Variants in ESCO2 observed in about 807,000 individuals in gnomAD.
ESCO2 encodes the protein establishment of sister chromatid cohesion N-acetyltransferase 2.
Under a neutral mutation model 61.7 loss-of-function variants are expected in ESCO2, and 51 were observed. The observed-to-expected ratio is 0.83, with a 90% CI of 0.66 to 1.04. ESCO2 has a LOEUF of 1.04. Among genes scored for constraint, ESCO2 ranks in the 50% least tolerant of loss-of-function variants. The pLI, the probability that ESCO2 is intolerant of heterozygous loss-of-function variation, is 0.00. For missense variants in ESCO2, 692 were observed against 686.2 expected, an observed-to-expected ratio of 1.01 and a Z score of -0.09; for synonymous variants, 230 against 238.2, an observed-to-expected ratio of 0.97 and a Z score of 0.32.
At chr8:27,788,750 A>C in intron 6 of ESCO2, 97 bp from the exon 7 acceptor site, 1 of 1,517,818 alleles carries the variant, frequency 6.6e-7, no homozygotes, top group Non-Finnish European at 9.1e-7. Flanking sequence ...AGGAAAAAAA[A>C]AATTAGGTGA....
chr8:27,797,770 C>T (rs1226403777), intron 9 of ESCO2, among the ~76,000 whole-genome samples: 7 of 152,164 alleles, frequency 4.6e-5, no homozygotes, highest in Non-Finnish European at 7.3e-5. Context: ...AATATAACAG[C>T]CTATTTTAAG....
At chr8:27,775,690 C>A in intron 2 of ESCO2, 123 bp downstream of exon 2, 1 of 824,496 alleles carries the variant, frequency 1.2e-6, no homozygotes, top group Non-Finnish European at 2.1e-6. Context: ...ACAGTGATAA[C>A]CTGATAACCT....
chr8:27,811,415 A>G, downstream of ESCO2: 1 of 529,220 alleles, frequency 1.9e-6, no homozygotes, highest in Non-Finnish European at 3.4e-6. Flanking sequence ...CAGACTCTGG[A>G]GCCAGACTGC....
At chr8:27,786,968 A>G (rs898900125) in intron 5 of ESCO2, among the ~76,000 whole-genome samples, 1 of 151,964 alleles carries the variant, frequency 6.6e-6, no homozygotes, top group African/African-American at 2.4e-5. Context: ...TTACAAACTC[A>G]GTACCTACAG....
intron 2 of ESCO2, 135 bp from the exon 3 acceptor site, chr8:27,776,227 T>G (rs775556129): frequency 2.7e-5 from 18 of 672,758 alleles, no homozygotes; most frequent in Middle Eastern, 8.1e-4. Context: ...ACTGTTAAAC[T>G]AATAGAAAAT....
upstream of ESCO2, chr8:27,773,651 GC>G (rs1804708954): frequency 1.3e-5 from 2 of 151,720 alleles, no homozygotes; most frequent in Admixed American, 6.6e-5. Flanking sequence ...TTACATGCTT[GC>G]TTTGACAGCA....
rs747030653 is a variant in ESCO2, at chr8:27,804,190, G to C, written c.*752G>C. Reference sequence around the variant, plus strand: ...CTGTAGAGCAGAATTTGATAGCTTAGTGTTCAATCTTTTTGAAAATAAATG... The same window carrying C: ...CTGTAGAGCAGAATTTGATAGCTTACTGTTCAATCTTTTTGAAAATAAATG... On this transcript the variant is annotated 3_prime_UTR_variant, in exon 11 of 11. Transcript: ENST00000305188. The C allele has an allele frequency of 3.3e-5, 33 of 985,162 alleles. No individual in the cohort carries two copies. Among genetic ancestry groups the C allele is most frequent in the Non-Finnish European group, 4.0e-5 (33 of 829,848 alleles). 61.0% of individuals were successfully genotyped at this position (985,162 alleles called of 1,614,324 possible).
chr8:27,816,633 C>T (rs1805820882), downstream of ESCO2, among the ~76,000 whole-genome samples: 1 of 151,908 alleles, frequency 6.6e-6, no homozygotes, highest in South Asian at 2.1e-4. Context: ...GCCTCGGCCT[C>T]CCAAAGTGCT....
chr8:27,808,245 A>G (rs1805602982), downstream of ESCO2: 2 of 1,240,530 alleles, frequency 1.6e-6, no homozygotes, highest in South Asian at 2.8e-5. Context: ...CATCTTCAAC[A>G]TTTCTCAAGT....
downstream of ESCO2, among the ~76,000 whole-genome samples, chr8:27,814,316 T>C (rs910789357): frequency 5.3e-5 from 8 of 152,154 alleles, no homozygotes; most frequent in African/African-American, 1.9e-4. Flanking sequence ...TCAAATTCAT[T>C]GCCATAAAGC....
rs199811077 is a variant in ESCO2 at position 27,776,485 on chromosome 8, G to A, written c.177G>A (p.Ala59=). The change falls in exon 3 of 11, where the codon GCG becomes GCA. Residue 59 remains alanine (A), a synonymous_variant. Transcript: ENST00000305188. The stretch of plus-strand genomic sequence containing the variant: ...AACAAGAGCATTTTGTTTTAAGTGC[G>A]CTCAAAACAACTGAAATAAATAGAC... The part of the protein sequence containing the change: ...CSQQEHFVLS[A]LKTTEINRLP... 1.3e-5 allele frequency: 21 copies of A among 1,613,024 alleles called. No individual in the cohort carries two copies. Among genetic ancestry groups the A allele is most frequent in the Middle Eastern group, 1.7e-4 (1 of 6,058 alleles).
chr8:27,811,268 C>T (rs1805676989), downstream of ESCO2: 1 of 705,206 alleles, frequency 1.4e-6, no homozygotes. Flanking sequence ...TGTAAAAATA[C>T]ACTCAACCTC....
intron 9 of ESCO2, among the ~76,000 whole-genome samples, chr8:27,793,759 A>G (rs1256947138): frequency 6.6e-6 from 1 of 152,166 alleles, no homozygotes; most frequent in Non-Finnish European, 1.5e-5. Flanking sequence ...TGCTGGGATT[A>G]CAGGCATGAG....
intron 4 of ESCO2, among the ~76,000 whole-genome samples, chr8:27,781,961 C>T (rs1256044559): frequency 6.6e-6 from 1 of 152,098 alleles, no homozygotes; most frequent in Non-Finnish European, 1.5e-5. Flanking sequence ...TCTTTCTGTC[C>T]CAGTATCCAT....
At chr8:27,777,222 A>C (rs752197732) in intron 3 of ESCO2, 53 bp downstream of exon 3, 1 of 1,511,644 alleles carries the variant, frequency 6.6e-7, no homozygotes, top group East Asian at 2.3e-5. Context: ...ACTTCAGTAT[A>C]AATGACATAG....
intron 7 of ESCO2, among the ~76,000 whole-genome samples, chr8:27,791,431 C>T (rs952002165): frequency 6.6e-6 from 1 of 152,270 alleles, no homozygotes; most frequent in African/African-American, 2.4e-5. Context: ...TTTTTAAACC[C>T]TTTTCAGTAC....
intron 1 of ESCO2, chr8:27,774,878 CCT>C (rs1224687322): frequency 6.6e-6 from 1 of 152,530 alleles, no homozygotes; most frequent in Non-Finnish European, 1.5e-5. Flanking sequence ...GGGACGCTTT[CCT>C]CTCCTACCTT....
Position 27,803,406 on chromosome 8 carries a change from C to T in ESCO2, c.1774C>T (p.Pro592Ser), listed in dbSNP as rs746936768. The T allele has an allele frequency of 6.2e-7, 1 of 1,613,430 alleles. No individual in the cohort carries two copies. Among genetic ancestry groups the T allele is most frequent in the Non-Finnish European group, 8.5e-7 (1 of 1,179,498 alleles). ...ATTTGCAACCAAGTACTGCAACACC[C>T]CTAATTTCCTCGTATATAATTTTAA... ...KLFATKYCNT[P>S]NFLVYNFNS Residue 592 changes from proline to serine, a missense_variant, in exon 11 of 11, where the codon CCT (proline) becomes TCT (serine). Transcript: ENST00000305188.
chr8:27,787,737 CT>C, intron 5 of ESCO2, 147 bp from the exon 6 acceptor site: 1 of 636,996 alleles, frequency 1.6e-6, no homozygotes, highest in Admixed American at 2.6e-5. Context: ...CCTCAGGTTT[CT>C]CTTTGTTCCT....
Sources: gnomAD v4.1 joint callset for allele counts (sites outside exome capture counted in the v4.1 genomes callset) on GRCh38, gnomAD v4.1.1 for gene constraint, MANE v1.5 for transcripts, NCBI Gene and HGNC (gene_info 2026-07-23, HGNC 2026-07-21) for gene names.